Variants in ST7 observed in about 807,000 individuals in gnomAD.
ST7 encodes the protein suppressor of tumorigenicity 7 protein.
A neutral mutation model predicts 78.7 loss-of-function variants in ST7; 28 were observed. The ratio of observed to expected loss-of-function variants is 0.36; its 90% confidence interval spans 0.26 to 0.49. The LOEUF (loss-of-function observed/expected upper bound fraction) is 0.49. Ranked by LOEUF, ST7 falls within the 20% of genes least tolerant of loss-of-function variation. The pLI is 0.99. For missense variants in ST7, 418 were observed against 696.0 expected, an observed-to-expected ratio of 0.60 and a Z score of 4.49; for synonymous variants, 247 against 249.6, an observed-to-expected ratio of 0.99 and a Z score of 0.10.
chr7:117,179,925 G>A (rs1405870944), intron 10 of ST7, among the ~76,000 whole-genome samples: 1 of 152,170 alleles, frequency 6.6e-6, no homozygotes, highest in Non-Finnish European at 1.5e-5. Context: ...GTGGGCTGGC[G>A]AGGTGACCTC....
At chr7:116,996,593 A>G (rs1260347428) in intron 1 of ST7, among the ~76,000 whole-genome samples, 1 of 152,180 alleles carries the variant, frequency 6.6e-6, no homozygotes. Context: ...GGAATCTGTT[A>G]TGTTCCCTAC....
At chr7:117,024,107 C>T (rs1018721729) in intron 1 of ST7, among the ~76,000 whole-genome samples, 3 of 152,098 alleles carry the variant, frequency 2.0e-5, no homozygotes, top group African/African-American at 7.2e-5. Context: ...AGCCACCACA[C>T]CTGGCTGATT....
Position 117,171,639 on chromosome 7 carries a change from T to C in ST7, c.1078+663T>C, listed in dbSNP as rs1195570289. Among the ~76,000 whole-genome samples, 3 of 151,544 alleles carry C rather than the reference T, an allele frequency of 2.0e-5. No homozygotes were observed. The Admixed American group carries it at 2.0e-4, about 10-fold the overall frequency. On this transcript the variant is annotated intron_variant, in intron 10 of 15. Transcript: ENST00000323984. ...CATCCTAGATATTTTAAAACTCTAA[T>C]GCTCATATTGTCATTATCCATGAAT...
intron 1 of ST7, among the ~76,000 whole-genome samples, chr7:116,963,980 G>A (rs1472236418): frequency 6.6e-6 from 1 of 152,140 alleles, no homozygotes; most frequent in East Asian, 1.9e-4. Context: ...TTTGAGCAAG[G>A]TTGTAGAGCG....
intron 1 of ST7, among the ~76,000 whole-genome samples, chr7:116,991,907 A>C (rs1185299387): frequency 6.6e-6 from 1 of 152,166 alleles, no homozygotes; most frequent in Non-Finnish European, 1.5e-5. Flanking sequence ...GCCAAAACAA[A>C]GGGGTTACAG....
chr7:117,163,997 T>C (rs1584498675), intron 9 of ST7, among the ~76,000 whole-genome samples: 1 of 152,102 alleles, frequency 6.6e-6, no homozygotes. Context: ...ACATTCTTCA[T>C]AGAAATAGAA....
At chr7:117,131,857 C>T in intron 5 of ST7, 28 bp from the exon 6 acceptor site, 16 of 1,591,338 alleles carry the variant, frequency 1.0e-5, no homozygotes, top group Non-Finnish European at 1.3e-5. Context: ...TATGGATTGA[C>T]TTGGTGTTTT....
chr7:116,992,018 G>C (rs1040168079), intron 1 of ST7, among the ~76,000 whole-genome samples: 1 of 152,210 alleles, frequency 6.6e-6, no homozygotes, highest in African/African-American at 2.4e-5. Flanking sequence ...ACTGATGCAA[G>C]AGGTGGGTTC....
chr7:117,119,448 GAAATA>G lies in ST7; in HGVS notation c.235-107_235-103del, dbSNP rs1012930821. Reference sequence around the variant, plus strand: ...CTAATTTTTAGAATAAACAGTTTTTGAAATAAAATATACTTAAGGTGGAATTAGTA... The same window carrying G: ...CTAATTTTTAGAATAAACAGTTTTTGAAATATACTTAAGGTGGAATTAGTA... On this transcript the variant is annotated intron_variant, in intron 2 of 15. Transcript: ENST00000323984. 8 of 1,053,740 alleles carry G rather than the reference GAAATA, an allele frequency of 7.6e-6. No homozygotes were observed. The African/African-American group carries it at 1.3e-4, about 17-fold the overall frequency. The allele number at this position is 1,053,740 out of a possible 1,614,324, so 65.3% of individuals were successfully genotyped here. A position where few individuals can be genotyped will look rare whatever the true frequency, so the allele number is the denominator to read the frequency against.
intron 1 of ST7, among the ~76,000 whole-genome samples, chr7:117,012,738 G>A (rs2115932029): frequency 6.6e-6 from 1 of 152,084 alleles, no homozygotes; most frequent in Non-Finnish European, 1.5e-5. Context: ...AAGGCTCAGA[G>A]AGGTTTAAAA....
intron 1 of ST7, among the ~76,000 whole-genome samples, chr7:117,059,807 C>CAAAAAAAAAAAA (rs35792944): frequency 3.1e-5 from 1 of 31,990 alleles, no homozygotes; most frequent in African/African-American, 1.1e-4. Context: ...TTCATCTCTG[C>CAAAAAAAAAAAA]AAAAAAAAAA....
intron 1 of ST7, among the ~76,000 whole-genome samples, chr7:117,019,261 A>G (rs185762733): frequency 6.6e-6 from 1 of 152,228 alleles, no homozygotes; most frequent in Non-Finnish European, 1.5e-5. Context: ...CAGTATTTTA[A>G]AAACATAACA....
At chr7:116,967,660 GATA>G (rs1264722497) in intron 1 of ST7, among the ~76,000 whole-genome samples, 1 of 152,204 alleles carries the variant, frequency 6.6e-6, no homozygotes, top group East Asian at 1.9e-4. Flanking sequence ...AACTGAGCAT[GATA>G]ATGATGAGTA....
At chr7:116,956,328 C>A in intron 1 of ST7, 3 of 370,052 alleles carry the variant, frequency 8.1e-6, no homozygotes, top group South Asian at 6.4e-5. Flanking sequence ...TTAGCCAGCA[C>A]CCCTGAGAGG....
chr7:117,221,290 C>T (rs544856115), intron 14 of ST7, among the ~76,000 whole-genome samples: 2 of 152,258 alleles, frequency 1.3e-5, no homozygotes, highest in Admixed American at 6.5e-5. Flanking sequence ...CATCAAGAGT[C>T]TCTTACAATT....
At chr7:117,194,055 A>G (rs1403154695) in intron 12 of ST7, among the ~76,000 whole-genome samples, 2 of 152,216 alleles carry the variant, frequency 1.3e-5, no homozygotes, top group Non-Finnish European at 2.9e-5. Context: ...GGAAATAAAT[A>G]AGAACAGTAA....
intron 1 of ST7, among the ~76,000 whole-genome samples, chr7:117,075,227 A>C (rs1799256341): frequency 6.6e-6 from 1 of 152,208 alleles, no homozygotes; most frequent in African/African-American, 2.4e-5. Context: ...AGTATCCTTA[A>C]TGTTACTTAA....
intron 1 of ST7, among the ~76,000 whole-genome samples, chr7:117,080,102 TC>T (rs1220351981): frequency 1.4e-5 from 2 of 144,026 alleles, no homozygotes; most frequent in African/African-American, 5.1e-5. Context: ...TGCCTCAGCC[TC>T]CCAAGTAGCT....
intron 2 of ST7, among the ~76,000 whole-genome samples, chr7:117,105,150 A>G (rs551378512): frequency 7.2e-5 from 11 of 152,366 alleles, no homozygotes; most frequent in Admixed American, 4.6e-4. Flanking sequence ...GATGAAAAAG[A>G]ATGTTCTGTT....
Sources: allele counts gnomAD v4.1 joint callset (sites outside exome capture counted in the v4.1 genomes callset), GRCh38; gene constraint gnomAD v4.1.1; transcripts MANE v1.5; gene names NCBI Gene and HGNC (gene_info 2026-07-23, HGNC 2026-07-21).